DNAJC13: variants seen among roughly 807,000 people sequenced by gnomAD.
DNAJC13 encodes dnaJ homolog subfamily C member 13.
A neutral mutation model predicts 290.5 loss-of-function variants in DNAJC13; 75 were observed. The ratio of observed to expected loss-of-function variants is 0.26; its 90% CI spans 0.21 to 0.31. DNAJC13 has a LOEUF of 0.31. DNAJC13 is among the 10% of genes least tolerant of loss of function. The pLI is 1.00. For synonymous variants in DNAJC13, 862 were observed against 892.0 expected, an observed-to-expected ratio of 0.97 and a Z score of 0.60; for missense variants, 2,260 against 2,674.5, an observed-to-expected ratio of 0.85 and a Z score of 3.42.
intron 41 of DNAJC13, 119 bp downstream of exon 41, chr3:132,503,500 T>A (rs961084723): frequency 1.7e-6 from 2 of 1,205,076 alleles, no homozygotes; most frequent in Admixed American, 4.8e-5. Flanking sequence ...ACATGTTTGT[T>A]CTCTCAAGCA....
At chr3:132,488,904 T>G (rs1934970801) in intron 30 of DNAJC13, 72 bp from the exon 31 acceptor site, 1 of 1,142,974 alleles carries the variant, frequency 8.7e-7, no homozygotes, top group African/African-American at 1.5e-5. Context: ...AAAGATCTAG[T>G]CTTTAGAAAA....
chr3:132,454,844 T>C (rs555975309), intron 9 of DNAJC13, among the ~76,000 whole-genome samples: 1 of 152,246 alleles, frequency 6.6e-6, no homozygotes, highest in African/African-American at 2.4e-5. Context: ...CTTAACACTC[T>C]GTTTGTGAGA....
chr3:132,440,977 T>C (rs182892311), intron 2 of DNAJC13, among the ~76,000 whole-genome samples: 2 of 152,346 alleles, frequency 1.3e-5, no homozygotes, highest in Non-Finnish European at 2.9e-5. Flanking sequence ...AGAAATGTTG[T>C]AGGTCAGTTA....
At chr3:132,452,984 G>A (rs1933464130) in intron 6 of DNAJC13, among the ~76,000 whole-genome samples, 1 of 152,212 alleles carries the variant, frequency 6.6e-6, no homozygotes, top group African/African-American at 2.4e-5. Context: ...ACCCCCAGTG[G>A]CTTGGCTGGG....
At chr3:132,464,035 G>T (rs542633273) in intron 17 of DNAJC13, among the ~76,000 whole-genome samples, 2 of 151,816 alleles carry the variant, frequency 1.3e-5, no homozygotes, top group African/African-American at 4.8e-5. Flanking sequence ...TTTTTTCCCC[G>T]ACCTATTATC....
chr3:132,499,742 A>G lies in DNAJC13; in HGVS notation c.4350A>G (p.Gln1450=). Residue 1450 remains glutamine (Q), a synonymous_variant, in exon 38 of 56, where the codon CAA becomes CAG. Coordinates refer to ENST00000260818, the MANE Select transcript of DNAJC13 (RefSeq NM_015268.4). ...GACTTCTTCCTCTGCAGGTGTTACAAGAGGCATTTAGTCGCTGTGTGGCTG... is the reference window on the plus strand; with the variant it reads ...GACTTCTTCCTCTGCAGGTGTTACAGGAGGCATTTAGTCGCTGTGTGGCTG... ...LRRENGLEVL[Q]EAFSRCVAVL... is the part of the protein sequence containing the mutation. 1 of 1,614,172 alleles carries G rather than the reference A, an allele frequency of 6.2e-7. No homozygotes were observed. The highest frequency in any genetic ancestry group is 8.5e-7 in the Non-Finnish European group (1 of 1,180,000).
Position 132,467,188 on chromosome 3 carries a change from A to C in DNAJC13, c.2083A>C (p.Asn695His), listed in dbSNP as rs373806135. 67 of 1,612,050 alleles carry C rather than the reference A, an allele frequency of 4.2e-5. No individual in the cohort carries two copies. Among genetic ancestry groups the C allele is most frequent in the Non-Finnish European group, 4.7e-5 (55 of 1,179,458 alleles). Residue 695 changes from asparagine (N) to histidine (H), a missense_variant, in exon 20 of 56, where the codon AAT becomes CAT. Around this residue, in one of 3 missense-constraint regions of DNAJC13, gnomAD observed 762 missense variants for 964.1 expected, o/e 0.79. Coordinates refer to ENST00000260818, the MANE Select transcript of DNAJC13 (RefSeq NM_015268.4). ...TTTACAGGATCAGTATGGAAAATTT[A>C]ATAAAGTTCCAGAGTGGCAAAGACT... ...KIAMDQYGKFNKVPEWQRLAG... is the reference protein window; with the variant it reads ...KIAMDQYGKFHKVPEWQRLAG...
intron 34 of DNAJC13, 88 bp from the exon 35 acceptor site, chr3:132,494,995 TATTAG>T (rs1337241617): frequency 4.9e-6 from 4 of 811,240 alleles, no homozygotes; most frequent in Non-Finnish European, 7.9e-6. Context: ...CAATTCTTGA[TATTAG>T]ATTCTTAAAA....
At chr3:132,483,083 C>T (rs1470451609) in intron 27 of DNAJC13, among the ~76,000 whole-genome samples, 5 of 152,128 alleles carry the variant, frequency 3.3e-5, no homozygotes, top group Admixed American at 6.5e-5. Flanking sequence ...TTATGGAGGA[C>T]CAACCATTCT....
chr3:132,420,465 A>G (rs1938922170), intron 1 of DNAJC13, among the ~76,000 whole-genome samples: 1 of 152,178 alleles, frequency 6.6e-6, no homozygotes, highest in Non-Finnish European at 1.5e-5. Flanking sequence ...GGGAGTGGTC[A>G]ACAGAACCGA....
In DNAJC13 at chr3:132,461,118, A is replaced by G. The variant is rs1253688618; in HGVS notation, c.1626A>G (p.Pro542=). Reference sequence around the variant, plus strand: ...TCCTTACCTTTGCCCTCTGTGCTCCATATAGTGAGACAACTGAAGGGCAGC... The same window carrying G: ...TCCTTACCTTTGCCCTCTGTGCTCCGTATAGTGAGACAACTGAAGGGCAGC... The part of the protein sequence containing the change: ...LDFLTFALCA[P]YSETTEGQQF... The change falls in exon 15 of 56, where the codon CCA becomes CCG. Residue 542 remains proline, a synonymous_variant. Coordinates refer to ENST00000260818, the MANE Select transcript of DNAJC13 (RefSeq NM_015268.4). The G allele has an allele frequency of 6.8e-6, 11 of 1,614,038 alleles. No individual in the cohort carries two copies. Among genetic ancestry groups the G allele is most frequent in the Non-Finnish European group, 8.5e-6 (10 of 1,179,944 alleles).
chr3:132,426,687 G>T (rs531950775), intron 1 of DNAJC13, among the ~76,000 whole-genome samples: 6 of 152,198 alleles, frequency 3.9e-5, no homozygotes, highest in African/African-American at 1.4e-4. Context: ...ATCAATGGTT[G>T]CTTAAGAGTT....
intron 40 of DNAJC13, 129 bp from the exon 41 acceptor site, chr3:132,503,085 C>CT: frequency 1.1e-6 from 1 of 938,954 alleles, no homozygotes; most frequent in Non-Finnish European, 1.6e-6. Flanking sequence ...GGTAGGTACT[C>CT]TTGTACCCTT....
chr3:132,484,704 TA>T, intron 29 of DNAJC13, 32 bp downstream of exon 29: 1 of 1,546,370 alleles, frequency 6.5e-7, no homozygotes, highest in African/African-American at 1.4e-5. Context: ...GGAGCAATTT[TA>T]AGAATCATTT....
At chr3:132,456,030 T>A (rs1439095958) in intron 9 of DNAJC13, among the ~76,000 whole-genome samples, 2 of 152,196 alleles carry the variant, frequency 1.3e-5, no homozygotes, top group Admixed American at 1.3e-4. Flanking sequence ...AATTAGTGTT[T>A]AAGTAACTTG....
At chr3:132,431,729 A>T (rs1939244746) in intron 1 of DNAJC13, among the ~76,000 whole-genome samples, 1 of 152,244 alleles carries the variant, frequency 6.6e-6, no homozygotes. Context: ...CAAAAGGTAG[A>T]AACAACACCC....
At chr3:132,524,704 T>C (rs959944686) in intron 51 of DNAJC13, among the ~76,000 whole-genome samples, 10 of 152,222 alleles carry the variant, frequency 6.6e-5, no homozygotes, top group African/African-American at 2.4e-4. Flanking sequence ...GCTTGGAAAA[T>C]GCAGTCCTCA....
At chr3:132,429,022 G>A (rs570504494) in intron 1 of DNAJC13, among the ~76,000 whole-genome samples, 10 of 152,254 alleles carry the variant, frequency 6.6e-5, no homozygotes, top group Admixed American at 5.9e-4. Context: ...CGTGAGCTAC[G>A]GCGCCCAGCC....
intron 55 of DNAJC13, among the ~76,000 whole-genome samples, chr3:132,533,260 G>C (rs549725862): frequency 6.6e-6 from 1 of 150,912 alleles, no homozygotes; most frequent in South Asian, 2.1e-4. Flanking sequence ...TCAAACTCCT[G>C]ACTTCAGGTG....
Sources: gnomAD v4.1 joint callset for allele counts (sites outside exome capture counted in the v4.1 genomes callset) on GRCh38, gnomAD v4.1.1 for gene constraint, gnomAD v4.1.1 regional missense constraint, MANE v1.5 for transcripts, NCBI Gene and HGNC (gene_info 2026-07-23, HGNC 2026-07-21) for gene names.